The following MGAT4D variants were observed in gnomAD, a reference collection of about 807,000 sequenced individuals.
The protein encoded by MGAT4D is MGAT4 family member D.
In MGAT4D, 34 loss-of-function variants were observed where a neutral mutation model predicts 15.9. The observed-to-expected ratio is 2.14, with a 90% CI of 1.62 to 2.84. MGAT4D has a LOEUF of 2.84. MGAT4D is among the 30% of genes most tolerant of loss of function. The probability of loss-of-function intolerance (pLI) is 0.00; values close to 1 mark genes in which losing one functional copy is unlikely to be tolerated. For synonymous variants in MGAT4D, 112 were observed against 48.2 expected, an observed-to-expected ratio of 2.33 and a Z score of -5.49; for missense variants, 327 against 140.2, an observed-to-expected ratio of 2.33 and a Z score of -6.73.
chr4:140,452,942 G>A (rs1730564446), intron 9 of MGAT4D, among the ~76,000 whole-genome samples: 1 of 152,098 alleles, frequency 6.6e-6, no homozygotes, highest in African/African-American at 2.4e-5. Flanking sequence ...AAAGTGTGAG[G>A]TTTAGGTCGC....
chr4:140,495,018 G>A (rs1733746423), intron 1 of MGAT4D, among the ~76,000 whole-genome samples: 1 of 152,034 alleles, frequency 6.6e-6, no homozygotes, highest in African/African-American at 2.4e-5. Context: ...TTACTCTTCT[G>A]CACAAAACTC....
intron 2 of MGAT4D, 123 bp downstream of exon 2, chr4:140,482,204 G>A (rs988262709): frequency 2.8e-5 from 13 of 467,416 alleles, no homozygotes; most frequent in Non-Finnish European, 4.5e-5. Context: ...ATTTTTGCAC[G>A]TCTCACAATA....
At position 140,456,024 on chromosome 4, in the gene MGAT4D, T is replaced by C. The variant is rs1292829909; in HGVS notation, c.1008+565A>G. ...TGGTGGCGTGCACCTATAGTCCCAGTTACTGAGGAGGCTGAGGTGGGAGGA... is the reference window on the plus strand; with the variant it reads ...TGGTGGCGTGCACCTATAGTCCCAGCTACTGAGGAGGCTGAGGTGGGAGGA... On this transcript the variant is annotated intron_variant, in intron 9 of 10. Transcript: ENST00000511113. 3.3e-5 allele frequency among the ~76,000 whole-genome samples: 5 copies of C among 152,090 alleles called. No individual in the cohort carries two copies. The East Asian group carries it at 9.7e-4, about 29-fold the overall frequency.
chr4:140,481,718 T>C (rs1176100342), intron 2 of MGAT4D, among the ~76,000 whole-genome samples: 1 of 152,220 alleles, frequency 6.6e-6, no homozygotes, highest in East Asian at 1.9e-4. Flanking sequence ...ACACATTGTT[T>C]GATTGCATTT....
chr4:140,473,210 A>T (rs1367475696), intron 4 of MGAT4D, among the ~76,000 whole-genome samples: 1 of 151,946 alleles, frequency 6.6e-6, no homozygotes, highest in Non-Finnish European at 1.5e-5. Flanking sequence ...GTTAAACATG[A>T]TGCTTTACAG....
chr4:140,485,896 T>A (rs530179271), intron 1 of MGAT4D, among the ~76,000 whole-genome samples: 1 of 149,142 alleles, frequency 6.7e-6, no homozygotes, highest in South Asian at 2.1e-4. Flanking sequence ...TTTTCACTTA[T>A]CTGTTTTTTC....
intron 8 of MGAT4D, chr4:140,458,098 A>T (rs1578651847): frequency 6.6e-6 from 1 of 152,252 alleles, no homozygotes; most frequent in East Asian, 1.9e-4. Flanking sequence ...CGTAAACCGT[A>T]TAACCAATCT....
intron 5 of MGAT4D, among the ~76,000 whole-genome samples, chr4:140,470,404 T>C (rs1347072927): frequency 1.3e-5 from 2 of 152,120 alleles, no homozygotes; most frequent in Non-Finnish European, 1.5e-5. Context: ...AGCTATTTGG[T>C]GAGGAAAAAT....
intron 1 of MGAT4D, among the ~76,000 whole-genome samples, chr4:140,488,231 G>A (rs1332756979): frequency 3.3e-5 from 5 of 152,264 alleles, no homozygotes; most frequent in South Asian, 4.1e-4. Flanking sequence ...GGCCATGAAC[G>A]TGACTTGACC....
At chr4:140,455,149 G>A (rs927075390) in intron 9 of MGAT4D, among the ~76,000 whole-genome samples, 1 of 151,340 alleles carries the variant, frequency 6.6e-6, no homozygotes, top group Non-Finnish European at 1.5e-5. Flanking sequence ...TTTCTAGTTT[G>A]TTAATGTAGA....
At chr4:140,467,121 G>T (rs931987707) in intron 5 of MGAT4D, among the ~76,000 whole-genome samples, 1 of 152,018 alleles carries the variant, frequency 6.6e-6, no homozygotes, top group Non-Finnish European at 1.5e-5. Flanking sequence ...TTTGGTGGGA[G>T]CATAAGTGGA....
intron 4 of MGAT4D, among the ~76,000 whole-genome samples, chr4:140,474,049 T>A (rs1324925167): frequency 6.6e-6 from 1 of 152,198 alleles, no homozygotes; most frequent in Non-Finnish European, 1.5e-5. Flanking sequence ...TTAGGATAAG[T>A]TCCCAGAATT....
chr4:140,466,731 C>T (rs932207025), intron 5 of MGAT4D, among the ~76,000 whole-genome samples: 36 of 151,914 alleles, frequency 2.4e-4, no homozygotes, highest in African/African-American at 8.2e-4. Context: ...TTGGCTTGCA[C>T]GGTTTCAACT....
intron 3 of MGAT4D, among the ~76,000 whole-genome samples, chr4:140,475,972 C>G (rs929567622): frequency 6.6e-6 from 1 of 151,814 alleles, no homozygotes; most frequent in Non-Finnish European, 1.5e-5. Flanking sequence ...CCACCATGCC[C>G]GGCTAACTTT....
intron 1 of MGAT4D, among the ~76,000 whole-genome samples, chr4:140,489,422 A>G (rs1733363099): frequency 6.6e-6 from 1 of 152,186 alleles, no homozygotes. Context: ...AATAATAAAA[A>G]TGAACATCCA....
At chr4:140,488,820 C>T (rs149963836) in intron 1 of MGAT4D, among the ~76,000 whole-genome samples, 16 of 152,060 alleles carry the variant, frequency 1.1e-4, no homozygotes, top group Non-Finnish European at 2.1e-4. Context: ...ATAGTGAGTT[C>T]TCTTGGGATC....
intron 6 of MGAT4D, 34 bp from the exon 7 acceptor site, chr4:140,462,038 T>C (rs1399192491): frequency 1.4e-6 from 1 of 690,988 alleles, no homozygotes; most frequent in African/African-American, 1.8e-5. Flanking sequence ...TTAATATTTG[T>C]CATTATTAAT....
intron 1 of MGAT4D, among the ~76,000 whole-genome samples, chr4:140,488,016 A>G (rs1355563042): frequency 6.6e-6 from 1 of 152,218 alleles, no homozygotes; most frequent in Non-Finnish European, 1.5e-5. Context: ...AAGGGCTGTG[A>G]CAGACCACTT....
chr4:140,449,531 A>C (rs1730339138), intron 10 of MGAT4D, among the ~76,000 whole-genome samples: 1 of 152,172 alleles, frequency 6.6e-6, no homozygotes, highest in Non-Finnish European at 1.5e-5. Context: ...AGGCTGAGAC[A>C]GGCAGATCAC....
Sources: allele counts gnomAD v4.1 joint callset (sites outside exome capture counted in the v4.1 genomes callset), GRCh38; gene constraint gnomAD v4.1.1; transcripts MANE v1.5; gene names NCBI Gene and HGNC (gene_info 2026-07-23, HGNC 2026-07-21).